The following SPDYE3 variants were observed in gnomAD, a reference collection of about 807,000 sequenced individuals.
SPDYE3 encodes the protein speedy/RINGO cell cycle regulator family member E3, also known as speedy protein E3.
A neutral mutation model predicts 55.0 loss-of-function variants in SPDYE3; 15 were observed. The observed-to-expected ratio is 0.27, with a 90% confidence interval of 0.18 to 0.42. SPDYE3 has a LOEUF of 0.42. Among genes scored for constraint, SPDYE3 ranks in the 10% least tolerant of loss-of-function variants. SPDYE3 has a pLI of 1.00. For missense variants in SPDYE3, 236 were observed against 576.7 expected, an observed-to-expected ratio of 0.41 and a Z score of 6.05; for synonymous variants, 89 against 229.9, an observed-to-expected ratio of 0.39 and a Z score of 5.55.
rs761081183 is a variant in SPDYE3 at position 100,319,744 on chromosome 7, G to T, written c.1526G>T (p.Arg509Leu). The T allele has an allele frequency of 1.2e-6, 2 of 1,614,140 alleles. No individual in the cohort carries two copies. The highest frequency in any genetic ancestry group is 1.7e-5 in the Admixed American group (1 of 60,020). ...NCSQIALFQK[R>L]RFQFFCSMRC... is the part of the protein sequence containing the mutation. Reference sequence around the variant, plus strand: ...TCTCAGATAGCCTTGTTCCAGAAGCGTCGGTTCCAGTTCTTCTGTTCCATG... The same window carrying T: ...TCTCAGATAGCCTTGTTCCAGAAGCTTCGGTTCCAGTTCTTCTGTTCCATG... Residue 509 changes from arginine to leucine, a missense_variant, in exon 9 of 11, where the codon CGT (arginine) becomes CTT (leucine). Physicochemically the swap from Arg to Leu is moderately radical, Grantham distance 102 (BLOSUM62 -2). Transcript: ENST00000332397.
intron 8 of SPDYE3, among the ~76,000 whole-genome samples, chr7:100,318,000 C>T (rs1034194211): frequency 3.6e-5 from 5 of 140,772 alleles, no homozygotes; most frequent in Non-Finnish European, 7.8e-5. Context: ...AAAAAAAGAA[C>T]AAAAAACAAA....
chr7:100,308,259 A>T (rs1805874307), intron 1 of SPDYE3, among the ~76,000 whole-genome samples: 1 of 144,758 alleles, frequency 6.9e-6, no homozygotes, highest in Non-Finnish European at 1.5e-5. Flanking sequence ...TGAGCCTGGG[A>T]GGAAGAGGGT....
intron 2 of SPDYE3, among the ~76,000 whole-genome samples, chr7:100,310,087 T>C (rs1369727031): frequency 2.1e-5 from 3 of 139,928 alleles, no homozygotes; most frequent in African/African-American, 7.8e-5. Context: ...CAAAGCAAGA[T>C]TCTGTCTCGA....
rs957457011 is a variant in SPDYE3, at chr7:100,322,114, CTTAG to C, written c.*1273_*1276del. On this transcript the variant is annotated 3_prime_UTR_variant, in exon 11 of 11. Transcript: ENST00000332397. Reference sequence around the variant, plus strand: ...GGGAGCAGACTTTTTATCTATGATACTTAGTTAATGTATATATTACATTTATAGC... The same window carrying C: ...GGGAGCAGACTTTTTATCTATGATACTTAATGTATATATTACATTTATAGC... 24 of 151,886 alleles carry C rather than the reference CTTAG, an allele frequency of 1.6e-4. No homozygotes were observed. The highest frequency in any genetic ancestry group is 2.6e-4 in the Non-Finnish European group (18 of 67,998). 9.4% of individuals were successfully genotyped at this position (151,886 alleles called of 1,614,324 possible). A position where few individuals can be genotyped will look rare whatever the true frequency, so the allele number is the denominator to read the frequency against.
intron 5 of SPDYE3, chr7:100,314,291 C>T: frequency 3.4e-6 from 2 of 585,464 alleles, no homozygotes; most frequent in East Asian, 6.2e-5. Flanking sequence ...AAAAGAGGGC[C>T]TCAGAGAGCC....
intron 10 of SPDYE3, 61 bp downstream of exon 10, chr7:100,320,096 A>C: frequency 3.8e-5 from 59 of 1,569,724 alleles, no homozygotes; most frequent in Non-Finnish European, 5.1e-5. Context: ...AAATCCAAGG[A>C]ACCCAATTGC....
chr7:100,320,144 T>A, intron 10 of SPDYE3, 109 bp downstream of exon 10: 1 of 1,533,072 alleles, frequency 6.5e-7, no homozygotes, highest in Non-Finnish European at 8.7e-7. Context: ...TGGCGAGATA[T>A]CCCCTCTCCA....
chr7:100,319,824 G>A lies in SPDYE3; in HGVS notation c.1590+16G>A. On this transcript the variant is annotated intron_variant, in intron 9 of 10. Coordinates refer to ENST00000332397, the MANE Select transcript of SPDYE3 (RefSeq NM_001004351.5). The stretch of plus-strand genomic sequence containing the variant: ...GTTGGAGGAGGTGGGTGGGGCCTGG[G>A]GAGGTGGAGGATGTGGGGAGGAATC... 1 of 1,614,130 alleles carries A rather than the reference G, an allele frequency of 6.2e-7. No homozygotes were observed. Among genetic ancestry groups the A allele is most frequent in the Non-Finnish European group, 8.5e-7 (1 of 1,180,002 alleles).
At chr7:100,308,122 C>A (rs1244942413) in intron 1 of SPDYE3, 131 bp downstream of exon 1, 1 of 1,214,470 alleles carries the variant, frequency 8.2e-7, no homozygotes, top group Admixed American at 2.9e-5. Flanking sequence ...CTGAGGTCAG[C>A]AGTTCAAGAC....
At chr7:100,315,666 T>A in intron 6 of SPDYE3, 119 bp from the exon 7 acceptor site, 2 of 1,520,384 alleles carry the variant, frequency 1.3e-6, no homozygotes, top group Non-Finnish European at 1.8e-6. Context: ...CCCATCCACC[T>A]CACCCGCGGC....
At chr7:100,315,252 C>G (rs1806072939) in intron 6 of SPDYE3, among the ~76,000 whole-genome samples, 1 of 152,026 alleles carries the variant, frequency 6.6e-6, no homozygotes, top group African/African-American at 2.4e-5. Context: ...GCATTCCAGC[C>G]TGGCCCACAG....
chr7:100,312,350 G>A lies in SPDYE3; in HGVS notation c.763+382G>A, dbSNP rs1230134938. On this transcript the variant is annotated intron_variant, in intron 4 of 10. Coordinates refer to ENST00000332397, the MANE Select transcript of SPDYE3 (RefSeq NM_001004351.5). ...AACTCTGCGTCAAAAGAAAAGCCAA[G>A]GCTGGGCACAGTAGCTCATGCCTGT... is the stretch of plus-strand genomic sequence containing the variant. Among the ~76,000 whole-genome samples, 4 of 149,500 alleles carry A rather than the reference G, an allele frequency of 2.7e-5. 1 individual carries two copies. Among genetic ancestry groups the A allele is most frequent in the Non-Finnish European group, 5.9e-5 (4 of 67,416 alleles).
chr7:100,308,145 C>T (rs1409090769), intron 1 of SPDYE3, among the ~76,000 whole-genome samples, 154 bp downstream of exon 1: 15 of 151,948 alleles, frequency 9.9e-5, no homozygotes, highest in Admixed American at 8.5e-4. Context: ...GCCTGGCCAA[C>T]ATGGTGAAAC....
intron 1 of SPDYE3, among the ~76,000 whole-genome samples, chr7:100,308,487 T>A (rs542452518): frequency 9.9e-5 from 15 of 151,604 alleles, no homozygotes; most frequent in African/African-American, 3.6e-4. Flanking sequence ...GGCAGGCGGA[T>A]CACGTGAGGC....
At chr7:100,317,388 C>A (rs1373363620) in intron 8 of SPDYE3, among the ~76,000 whole-genome samples, 1 of 151,708 alleles carries the variant, frequency 6.6e-6, no homozygotes, top group East Asian at 2.0e-4. Context: ...AGCGGATCAC[C>A]TGAGGTCAGG....
chr7:100,320,689 GT>G, intron 10 of SPDYE3: 1 of 1,075,804 alleles, frequency 9.3e-7, no homozygotes, highest in Non-Finnish European at 1.2e-6. Flanking sequence ...GGTGTATTAA[GT>G]TTTGGAGTCA....
intron 8 of SPDYE3, among the ~76,000 whole-genome samples, chr7:100,318,409 T>C (rs1214445387): frequency 6.6e-6 from 1 of 152,106 alleles, no homozygotes; most frequent in Non-Finnish European, 1.5e-5. Flanking sequence ...TGGCTCGCCA[T>C]CTTGGTGTTT....
intron 8 of SPDYE3, among the ~76,000 whole-genome samples, chr7:100,319,222 T>G (rs1328919548): frequency 6.6e-6 from 1 of 152,164 alleles, no homozygotes; most frequent in African/African-American, 2.4e-5. Flanking sequence ...ATTTTTTATA[T>G]TTTTAATAGA....
chr7:100,321,678 T>A lies in SPDYE3; in HGVS notation c.*833T>A. The A allele has an allele frequency of 6.6e-6, 1 of 151,582 alleles. No individual in the cohort carries two copies. 9.4% of individuals were successfully genotyped at this position (151,582 alleles called of 1,614,324 possible). A position where few individuals can be genotyped will look rare whatever the true frequency, so the allele number is the denominator to read the frequency against. Reference sequence around the variant, plus strand: ...AGAAATTTTTATTTGCTGTTTAGGTTTGTGACTGAATTGTGAGAATTCAGT... The same window carrying A: ...AGAAATTTTTATTTGCTGTTTAGGTATGTGACTGAATTGTGAGAATTCAGT... On this transcript the variant is annotated 3_prime_UTR_variant, in exon 11 of 11. Transcript: ENST00000332397.
Sources: gnomAD v4.1 joint callset for allele counts (sites outside exome capture counted in the v4.1 genomes callset) on GRCh38, gnomAD v4.1.1 for gene constraint, MANE v1.5 for transcripts, NCBI Gene and HGNC (gene_info 2026-07-23, HGNC 2026-07-21) for gene names.